EFL1: variants seen among roughly 807,000 people sequenced by gnomAD.
The protein encoded by EFL1 is elongation factor like GTPase 1.
Under a neutral mutation model 126.7 loss-of-function variants are expected in EFL1, and 76 were observed. The observed-to-expected ratio is 0.60, with a 90% CI of 0.50 to 0.73. The LOEUF (loss-of-function observed/expected upper bound fraction) is 0.73. Among genes scored for constraint, EFL1 ranks in the 30% least tolerant of loss-of-function variants. The pLI, the probability that EFL1 is intolerant of heterozygous loss-of-function variation, is 0.00. For synonymous variants in EFL1, 410 were observed against 448.4 expected (o/e 0.91, Z 1.08); for missense variants, 1,128 against 1,343.2 (o/e 0.84, Z 2.50).
intron 15 of EFL1, among the ~76,000 whole-genome samples, chr15:82,170,278 C>T (rs1001190557): frequency 6.6e-6 from 1 of 151,598 alleles, no homozygotes; most frequent in African/African-American, 2.4e-5. Context: ...CTACGCCCGG[C>T]TAATTTTTTG....
intron 18 of EFL1, among the ~76,000 whole-genome samples, chr15:82,141,696 A>C (rs902921983): frequency 1.3e-5 from 2 of 151,824 alleles, no homozygotes; most frequent in African/African-American, 2.4e-5. Flanking sequence ...CCAAAAAAAA[A>C]AAAACAAAAA....
At chr15:82,239,379 A>G (rs1467467281) in intron 6 of EFL1, among the ~76,000 whole-genome samples, 2 of 151,820 alleles carry the variant, frequency 1.3e-5, no homozygotes, top group Non-Finnish European at 2.9e-5. Flanking sequence ...CTCGTGATCC[A>G]CCCGCCTCGG....
intron 15 of EFL1, among the ~76,000 whole-genome samples, chr15:82,177,602 T>C (rs377084524): frequency 2.0e-5 from 3 of 152,182 alleles, no homozygotes; most frequent in South Asian, 2.1e-4. Flanking sequence ...TAAATACCCA[T>C]TGGAAGACGC....
chr15:82,235,089 A>G (rs919487692), intron 7 of EFL1, among the ~76,000 whole-genome samples: 4 of 152,120 alleles, frequency 2.6e-5, no homozygotes, highest in African/African-American at 9.7e-5. Context: ...CAAGAGAAGA[A>G]CCATGTCAAG....
intron 4 of EFL1, among the ~76,000 whole-genome samples, chr15:82,249,542 T>C (rs2075002616): frequency 6.6e-6 from 1 of 152,110 alleles, no homozygotes; most frequent in Non-Finnish European, 1.5e-5. Context: ...TCTATTTCTC[T>C]CTTCTGTATC....
chr15:82,262,450 G>A (rs2075135529), intron 1 of EFL1, 164 bp downstream of exon 1: 1 of 182,458 alleles, frequency 5.5e-6, no homozygotes, highest in Non-Finnish European at 1.1e-5. Context: ...ACAGGCGACC[G>A]CCCCGGCCCC....
At chr15:82,258,013 C>T (rs989408358) in intron 3 of EFL1, among the ~76,000 whole-genome samples, 1 of 152,038 alleles carries the variant, frequency 6.6e-6, no homozygotes, top group Non-Finnish European at 1.5e-5. Flanking sequence ...TATCTTGGGC[C>T]AGCTTCCCTC....
chr15:82,195,136 C>T (rs1016440777), intron 15 of EFL1, among the ~76,000 whole-genome samples: 5 of 152,078 alleles, frequency 3.3e-5, no homozygotes, highest in Admixed American at 2.0e-4. Flanking sequence ...AACTTGGTTT[C>T]GGTTATAAAC....
intron 15 of EFL1, among the ~76,000 whole-genome samples, chr15:82,203,436 C>T (rs934670103): frequency 1.1e-4 from 17 of 152,120 alleles, no homozygotes; most frequent in African/African-American, 3.6e-4. Context: ...TGGCGTGTGG[C>T]GCAATCTTGG....
chr15:82,225,308 T>TAAAAA, intron 11 of EFL1, 44 bp from the exon 12 acceptor site: 1 of 1,121,966 alleles, frequency 8.9e-7, no homozygotes. Context: ...TTCCCATTAT[T>TAAAAA]AAAAAAAAAA....
chr15:82,231,884 C>T lies in EFL1; in HGVS notation c.732-913G>A, dbSNP rs549552905. On this transcript the variant is annotated intron_variant, in intron 7 of 19. Coordinates refer to ENST00000268206, the MANE Select transcript of EFL1 (RefSeq NM_024580.6). ...TCCTATGCCTCAAAAAGAAAGCAGG[C>T]TCTGCCTTGCTGCCTACTCTGTGGA... Among the ~76,000 whole-genome samples the T allele has an allele frequency of 2.0e-5, 3 of 152,302 alleles. No individual in the cohort carries two copies. In the East Asian group the frequency reaches 5.8e-4, roughly 29 times the overall value.
intron 4 of EFL1, among the ~76,000 whole-genome samples, chr15:82,251,284 A>AT (rs1322738683): frequency 6.6e-6 from 1 of 152,236 alleles, no homozygotes; most frequent in East Asian, 1.9e-4. Context: ...ACAGAGCTCG[A>AT]TAAAATAGAG....
rs577652782 is a variant in EFL1 at position 82,221,192 on chromosome 15, G to C, written c.1293-963C>G. ...CAACTCTTCATGGTCCCAACACTTT[G>C]TGCCTCTCTCCCGTGTTGTCCATCA... On this transcript the variant is annotated intron_variant, in intron 12 of 19. Transcript: ENST00000268206. Among the ~76,000 whole-genome samples, 197 of 152,142 alleles carry C rather than the reference G, an allele frequency of 1.3e-3. 2 individuals carry two copies. Among genetic ancestry groups the C allele is most frequent in the Non-Finnish European group, 2.2e-3 (147 of 68,024 alleles).
chr15:82,249,266 C>T (rs1160350409), intron 4 of EFL1, among the ~76,000 whole-genome samples: 2 of 151,588 alleles, frequency 1.3e-5, no homozygotes, highest in Non-Finnish European at 2.9e-5. Flanking sequence ...AGCAACATCC[C>T]ATCGCTACAA....
chr15:82,227,965 T>C (rs983914760), intron 10 of EFL1, among the ~76,000 whole-genome samples: 4 of 152,220 alleles, frequency 2.6e-5, no homozygotes, highest in African/African-American at 4.8e-5. Context: ...ACAAAAAGAA[T>C]AGTCTTCCTA....
intron 15 of EFL1, among the ~76,000 whole-genome samples, chr15:82,176,878 C>G (rs975595677): frequency 1.3e-5 from 2 of 152,106 alleles, no homozygotes; most frequent in African/African-American, 4.8e-5. Context: ...CTTAAATATC[C>G]ACCAACAGAA....
intron 4 of EFL1, among the ~76,000 whole-genome samples, chr15:82,244,758 G>T (rs1452601408): frequency 6.6e-6 from 1 of 152,088 alleles, no homozygotes; most frequent in African/African-American, 2.4e-5. Flanking sequence ...CTCACAGAAG[G>T]TGCACATTTG....
Position 82,131,195 on chromosome 15 carries a change from A to T in EFL1, c.3175-634T>A, listed in dbSNP as rs78469380. On this transcript the variant is annotated intron_variant, in intron 19 of 19. Coordinates refer to ENST00000268206, the MANE Select transcript of EFL1 (RefSeq NM_024580.6). The stretch of plus-strand genomic sequence containing the variant: ...TTTAAAAGCTTTCATTTTTGCTAGG[A>T]TATATCTGAATGTTAATGTCTTTGC... Among the ~76,000 whole-genome samples the T allele has an allele frequency of 3.4e-4, 52 of 152,298 alleles. No homozygotes were observed. The East Asian group carries it at 9.6e-3, about 28-fold the overall frequency.
At chr15:82,217,461 T>A (rs2074662325) in intron 14 of EFL1, among the ~76,000 whole-genome samples, 1 of 125,318 alleles carries the variant, frequency 8.0e-6, no homozygotes, top group Non-Finnish European at 1.6e-5. Flanking sequence ...AGTAAAGGAA[T>A]CCTATGCCAC....
Sources: allele counts gnomAD v4.1 joint callset (sites outside exome capture counted in the v4.1 genomes callset), GRCh38; gene constraint gnomAD v4.1.1; transcripts MANE v1.5; gene names NCBI Gene and HGNC (gene_info 2026-07-23, HGNC 2026-07-21).